Variants in SUN5 observed in about 807,000 individuals in gnomAD.
SUN5 encodes the protein Sad1 and UNC84 domain containing 5.
In SUN5, 44 loss-of-function variants were observed where a neutral mutation model predicts 53.7. That is an observed-to-expected ratio of 0.82 (90% CI 0.64 to 1.05). The LOEUF (loss-of-function observed/expected upper bound fraction) is 1.05, where lower values mean the gene tolerates loss of function less well. Among genes scored for constraint, SUN5 ranks in the 50% least tolerant of loss-of-function variants. The pLI, the probability that SUN5 is intolerant of heterozygous loss-of-function variation, is 0.00. For missense variants in SUN5, 433 were observed against 483.8 expected (o/e 0.90, Z 0.98); for synonymous variants, 166 against 179.8 (o/e 0.92, Z 0.62).
rs1409305431 is a variant in SUN5 at position 32,998,804 on chromosome 20, C to T, written c.341-1117G>A. Among the ~76,000 whole-genome samples the T allele has an allele frequency of 2.0e-5, 3 of 151,116 alleles. No individual in the cohort carries two copies. The South Asian group carries it at 6.3e-4, about 32-fold the overall frequency. ...GAGGCTGAGATACGATGGTTTGAGG[C>T]TGGGAGTTCTAGACCAAACCGGGCA... On this transcript the variant is annotated intron_variant, in intron 5 of 12. Transcript: ENST00000356173.
rs982641106 is a variant in SUN5 at position 32,988,156 on chromosome 20, C to T, written c.614-381G>A. On this transcript the variant is annotated intron_variant, in intron 9 of 12. Coordinates refer to ENST00000356173, the MANE Select transcript of SUN5 (RefSeq NM_080675.4). ...GGCGCTGAGATGAATCATCAGAGCA[C>T]GTTTCCCAAAGTGCCTGGCACAGGG... Among the ~76,000 whole-genome samples, 10 of 152,116 alleles carry T rather than the reference C, an allele frequency of 6.6e-5. No homozygotes were observed. In the South Asian group the frequency reaches 1.0e-3, roughly 16 times the overall value.
chr20:33,004,412 C>T lies in SUN5; in HGVS notation c.-72G>A. 6.8e-7 allele frequency: 1 copy of T among 1,469,888 alleles called. No individual in the cohort carries two copies. The highest frequency in any genetic ancestry group is 9.0e-7 in the Non-Finnish European group (1 of 1,106,960). The allele number at this position is 1,469,888 out of a possible 1,614,324, so 91.1% of individuals were successfully genotyped here. A position where few individuals can be genotyped will look rare whatever the true frequency, so the allele number is the denominator to read the frequency against. On this transcript the variant is annotated 5_prime_UTR_variant, in exon 1 of 13. Transcript: ENST00000356173. ...CTGGTGAGGAGGAAGGGGCTGATGC[C>T]TCTGAATGTCCCCTGAAAAGTGCCA...
At chr20:32,993,270 A>G (rs1376968989) in intron 8 of SUN5, among the ~76,000 whole-genome samples, 2 of 152,256 alleles carry the variant, frequency 1.3e-5, no homozygotes, top group African/African-American at 4.8e-5. Context: ...CCATAGGCAC[A>G]TCTGTGGAAG....
chr20:32,989,777 A>G (rs1600492116), intron 8 of SUN5, 79 bp from the exon 9 acceptor site: 41 of 490,244 alleles, frequency 8.4e-5, no homozygotes, highest in East Asian at 4.3e-4. Flanking sequence ...GGGAGGTAAC[A>G]GGGGGCTGCA....
intron 3 of SUN5, among the ~76,000 whole-genome samples, chr20:33,001,560 T>TTCTTTC (rs1990026593): frequency 7.2e-6 from 1 of 139,016 alleles, no homozygotes; most frequent in Non-Finnish European, 1.5e-5. Flanking sequence ...CTTTCTTTCT[T>TTCTTTC]TCTTTTCTTC....
intron 11 of SUN5, 137 bp from the exon 12 acceptor site, chr20:32,985,322 C>T (rs1270323179): frequency 2.7e-6 from 2 of 733,328 alleles, no homozygotes; most frequent in Non-Finnish European, 4.6e-6. Flanking sequence ...CACTGTGGCA[C>T]AGTGTAATGA....
intron 8 of SUN5, among the ~76,000 whole-genome samples, chr20:32,993,794 C>T (rs962756262): frequency 6.6e-6 from 1 of 152,174 alleles, no homozygotes; most frequent in Admixed American, 6.5e-5. Context: ...TTCAGAAGGT[C>T]TGAGTGAGGC....
In SUN5 at chr20:32,986,085, C is replaced by CTTCA. The variant is rs575099973; in HGVS notation, c.730-186_730-183dup. Reference sequence around the variant, plus strand: ...CTACCCATGCAGGGGGTAAGCCTTACTTCAGTTCAATGCAGTAAGGGAGGG... The same window carrying CTTCA: ...CTACCCATGCAGGGGGTAAGCCTTACTTCATTCAGTTCAATGCAGTAAGGGAGGG... On this transcript the variant is annotated intron_variant, in intron 10 of 12. Transcript: ENST00000356173. Among the ~76,000 whole-genome samples, 604 of 152,302 alleles carry CTTCA rather than the reference C, an allele frequency of 4.0e-3. 6 individuals carry two copies. The highest frequency in any genetic ancestry group is 0.014 in the African/African-American group (566 of 41,558).
intron 1 of SUN5, among the ~76,000 whole-genome samples, chr20:33,003,141 G>A (rs1434676254): frequency 2.0e-5 from 3 of 152,154 alleles, no homozygotes; most frequent in African/African-American, 7.2e-5. Context: ...GGCGGTTGTC[G>A]CCATGTCCCC....
rs867280596 is a variant in SUN5 at position 33,001,566 on chromosome 20, T to C, written c.212-288A>G. Among the ~76,000 whole-genome samples the C allele has an allele frequency of 2.0e-3, 93 of 45,660 alleles. 1 individual carries two copies. Among genetic ancestry groups the C allele is most frequent in the Non-Finnish European group, 2.8e-3 (61 of 22,166 alleles). The allele number at this position is 45,660 out of a possible 152,430, so 30.0% of individuals were successfully genotyped here. A position where few individuals can be genotyped will look rare whatever the true frequency, so the allele number is the denominator to read the frequency against. ...TCTTTCTTTCTTTCTTTCTTTCTTTTCTTCCTTCCTTCCTTTCTTTCTTTT... is the reference window on the plus strand; with the variant it reads ...TCTTTCTTTCTTTCTTTCTTTCTTTCCTTCCTTCCTTCCTTTCTTTCTTTT... On this transcript the variant is annotated intron_variant, in intron 3 of 12. Coordinates refer to ENST00000356173, the MANE Select transcript of SUN5 (RefSeq NM_080675.4).
chr20:33,000,201 C>A, intron 4 of SUN5, 66 bp from the exon 5 acceptor site: 1 of 1,515,698 alleles, frequency 6.6e-7, no homozygotes. Flanking sequence ...CACCCTCCTC[C>A]TCGTCACTCT....
Position 32,995,733 on chromosome 20 carries a change from C to T in SUN5, c.426-6G>A. 6.2e-7 allele frequency: 1 copy of T among 1,613,180 alleles called. No homozygotes were observed. The highest frequency in any genetic ancestry group is 8.5e-7 in the Non-Finnish European group (1 of 1,179,196). On this transcript the variant is annotated splice_polypyrimidine_tract_variant and splice_region_variant and intron_variant, in intron 7 of 12. Coordinates refer to ENST00000356173, the MANE Select transcript of SUN5 (RefSeq NM_080675.4). ...GCACCTTCTCCTGGTACAACCTTAT[C>T]AGGAAGGAGTGATAACAAGAACAGG...
At chr20:33,001,540 TTC>T (rs1438979527) in intron 3 of SUN5, among the ~76,000 whole-genome samples, 4 of 136,282 alleles carry the variant, frequency 2.9e-5, no homozygotes, top group Non-Finnish European at 4.5e-5. Context: ...CTTTCTTTCT[TTC>T]TTTCTTTCTT....
intron 5 of SUN5, 152 bp from the exon 6 acceptor site, chr20:32,997,839 T>C: frequency 1.5e-6 from 1 of 684,276 alleles, no homozygotes; most frequent in Non-Finnish European, 2.4e-6. Context: ...TATGCCTCTG[T>C]TCCCTCCTCT....
rs148140134 is a variant in SUN5, at chr20:33,002,317, AC to A, written c.211+269del. Among the ~76,000 whole-genome samples the A allele has an allele frequency of 4.2e-3, 641 of 152,196 alleles. 9 individuals are homozygous for A. Among genetic ancestry groups the A allele is most frequent in the African/African-American group, 0.015 (604 of 41,538 alleles). On this transcript the variant is annotated intron_variant, in intron 3 of 12. Coordinates refer to ENST00000356173, the MANE Select transcript of SUN5 (RefSeq NM_080675.4). ...CTCAACAGGTGGATGGATGGGTGAAACCAGCAGCCAGACTGGTGGTAGAGGA... is the reference window on the plus strand; with the variant it reads ...CTCAACAGGTGGATGGATGGGTGAAACAGCAGCCAGACTGGTGGTAGAGGA...
chr20:32,984,857 G>C (rs1036614336), intron 12 of SUN5, among the ~76,000 whole-genome samples: 1 of 152,246 alleles, frequency 6.6e-6, no homozygotes, highest in Non-Finnish European at 1.5e-5. Flanking sequence ...CACAGCAAGA[G>C]GGCTCCTGGG....
chr20:33,001,519 C>CT (rs68051515), intron 3 of SUN5, among the ~76,000 whole-genome samples: 4,475 of 121,074 alleles, frequency 0.037, 495 homozygotes, highest in African/African-American at 0.12. Flanking sequence ...TTCTTTCTTT[C>CT]TTCTTTCTTT....
chr20:32,985,836 G>A lies in SUN5; in HGVS notation c.797C>T (p.Ala266Val). 1 of 1,614,142 alleles carries A rather than the reference G, an allele frequency of 6.2e-7. No homozygotes were observed. Among genetic ancestry groups the A allele is most frequent in the Non-Finnish European group, 8.5e-7 (1 of 1,179,996 alleles). The change falls in exon 11 of 13, where the codon GCT becomes GTT. Residue 266 changes from alanine (A) to valine (V), a missense_variant. By Grantham distance (64) the Ala-to-Val change is moderately conservative (BLOSUM62 0). Transcript: ENST00000356173. ...GDRGQVTIQL[A>V]QKVYLSNLTL... is the part of the protein sequence containing the mutation. The stretch of plus-strand genomic sequence containing the variant: ...GAGGTTGGACAGGTAAACCTTCTGA[G>A]CCAATTGGATGGTCACCTGGCCGCG...
At chr20:32,994,117 A>T (rs996614563) in intron 8 of SUN5, among the ~76,000 whole-genome samples, 1 of 152,230 alleles carries the variant, frequency 6.6e-6, no homozygotes, top group Non-Finnish European at 1.5e-5. Context: ...ACAGTTGTCA[A>T]ATTTTTGAAG....
Sources: allele counts gnomAD v4.1 joint callset (sites outside exome capture counted in the v4.1 genomes callset), GRCh38; gene constraint gnomAD v4.1.1; transcripts MANE v1.5; gene names NCBI Gene and HGNC (gene_info 2026-07-23, HGNC 2026-07-21).